Variants in POU5F1 observed in about 807,000 individuals in gnomAD.
POU5F1 encodes the protein POU domain, class 5, transcription factor 1.
A neutral mutation model predicts 38.3 loss-of-function variants in POU5F1; 6 were observed. The ratio of observed to expected loss-of-function variants is 0.16; its 90% CI spans 0.09 to 0.31. The LOEUF is 0.31. Among genes scored for constraint, POU5F1 ranks in the 10% least tolerant of loss-of-function variants. The pLI is 1.00. For synonymous variants in POU5F1, 147 were observed against 194.9 expected (o/e 0.75, Z 2.05); for missense variants, 286 against 462.6 (o/e 0.62, Z 3.50).
intron 1 of POU5F1, chr6:31,166,255 T>G: frequency 2.6e-6 from 4 of 1,537,556 alleles, no homozygotes; most frequent in Admixed American, 2.0e-5. Context: ...CTCATGCATG[T>G]AACAAAGGAC....
rs967965078 is a variant in POU5F1 at position 31,165,840 on chromosome 6, G to T, written c.526+87C>A. 7 of 1,508,266 alleles carry T rather than the reference G, an allele frequency of 4.6e-6. No homozygotes were observed. In the African/African-American group the frequency reaches 1.5e-4, roughly 32 times the overall value. 93.4% of individuals were successfully genotyped at this position (1,508,266 alleles called of 1,614,324 possible). A position where few individuals can be genotyped will look rare whatever the true frequency, so the allele number is the denominator to read the frequency against. ...TCTCCCTACTCCTCTTCATGGGTGA[G>T]GGTAGTCTGCCCCTGCCCCTCCCCA... is the stretch of plus-strand genomic sequence containing the variant. On this transcript the variant is annotated intron_variant, in intron 2 of 4. Coordinates refer to ENST00000259915, the MANE Select transcript of POU5F1 (RefSeq NM_002701.6). The surrounding 1 kb of genome is among the most constrained non-coding windows in gnomAD (Gnocchi z 6.5).
chr6:31,170,245 T>C lies in POU5F1; in HGVS notation c.376A>G (p.Lys126Glu). 6.2e-7 allele frequency: 1 copy of C among 1,612,828 alleles called. No homozygotes were observed. The highest frequency in any genetic ancestry group is 8.5e-7 in the Non-Finnish European group (1 of 1,179,798). Reference protein sequence around the residue: ...TVTPGAVKLEKEKLEQNPEES... With the variant: ...TVTPGAVKLEEEKLEQNPEES... ...TCCGGGTTTTGCTCCAGCTTCTCCT[T>C]CTCCAGCTTCACGGCACCAGGGGTG... Residue 126 changes from lysine (K) to glutamate (E), a missense_variant, in exon 1 of 5, where the codon AAG becomes GAG. By Grantham distance (56) the Lys-to-Glu change is moderately conservative. This residue lies in a region of POU5F1 where 176 missense variants were observed against 184.8 expected (regional missense o/e 0.95). Transcript: ENST00000259915.
At chr6:31,170,103 G>T in intron 1 of POU5F1, 113 bp downstream of exon 1, 1 of 1,564,320 alleles carries the variant, frequency 6.4e-7, no homozygotes, top group Admixed American at 1.7e-5. Flanking sequence ...AGCTGACCCT[G>T]CCTGCTCCTC....
intron 1 of POU5F1, chr6:31,167,152 G>A (rs1777333028): frequency 5.3e-6 from 2 of 374,354 alleles, no homozygotes; most frequent in Non-Finnish European, 1.0e-5. Context: ...TCTCTTCCAA[G>A]TGCACTTTCC....
In POU5F1 at chr6:31,166,942, T is replaced by G. The variant is rs553951373; in HGVS notation, c.406-895A>C. 5,136 of 930,676 alleles carry G rather than the reference T, an allele frequency of 5.5e-3. 80 individuals are homozygous for G. The highest frequency in any genetic ancestry group is 0.036 in the Middle Eastern group (116 of 3,206). 57.7% of individuals were successfully genotyped at this position (930,676 alleles called of 1,614,324 possible). On this transcript the variant is annotated intron_variant, in intron 1 of 4. Transcript: ENST00000259915. Reference sequence around the variant, plus strand: ...AATGGATAAAGTGCTTTGTGTGTACTTACTCATTTTTTAAATTGATTATCC... The same window carrying G: ...AATGGATAAAGTGCTTTGTGTGTACGTACTCATTTTTTAAATTGATTATCC...
chr6:31,165,889 A>G lies in POU5F1; in HGVS notation c.526+38T>C. On this transcript the variant is annotated intron_variant, in intron 2 of 4. Coordinates refer to ENST00000259915, the MANE Select transcript of POU5F1 (RefSeq NM_002701.6). The surrounding 1 kb of genome is among the most constrained non-coding windows in gnomAD (Gnocchi z 6.5). The stretch of plus-strand genomic sequence containing the variant: ...CACTAGGTTCAGGGATACTCCTTAG[A>G]GGGGAGATGCGGTCAGAATCTGCAG... 6.2e-7 allele frequency: 1 copy of G among 1,612,942 alleles called. No homozygotes were observed. Among genetic ancestry groups the G allele is most frequent in the Non-Finnish European group, 8.5e-7 (1 of 1,179,286 alleles).
Position 31,165,484 on chromosome 6 carries a change from A to C in POU5F1, c.657+87T>G. 2 of 1,604,492 alleles carry C rather than the reference A, an allele frequency of 1.2e-6. No individual in the cohort carries two copies. Among genetic ancestry groups the C allele is most frequent in the Non-Finnish European group, 1.7e-6 (2 of 1,175,764 alleles). ...ATCCCACTGAGAACCACTGCACCAA[A>C]GACGGAGAGCTACGAGCCAGTGATG... On this transcript the variant is annotated intron_variant, in intron 3 of 4. Coordinates refer to ENST00000259915, the MANE Select transcript of POU5F1 (RefSeq NM_002701.6). The surrounding 1 kb of genome is among the most constrained non-coding windows in gnomAD (Gnocchi z 6.5).
chr6:31,170,044 G>T, intron 1 of POU5F1, 172 bp downstream of exon 1: 1 of 1,053,156 alleles, frequency 9.5e-7, no homozygotes, highest in Non-Finnish European at 1.4e-6. Flanking sequence ...CCTGGCCCCT[G>T]CCTGCCAGGG....
rs779414190 is a variant in POU5F1 at position 31,170,258 on chromosome 6, G to A, written c.363C>T (p.Ala121=). ...SPEPCTVTPG[A]VKLEKEKLEQ... ...CCAGCTTCTCCTTCTCCAGCTTCAC[G>A]GCACCAGGGGTGACGGTGCAGGGCT... The change falls in exon 1 of 5, where the codon GCC becomes GCT. Residue 121 remains alanine, a synonymous_variant. Coordinates refer to ENST00000259915, the MANE Select transcript of POU5F1 (RefSeq NM_002701.6). 1.3e-5 allele frequency: 21 copies of A among 1,612,764 alleles called. No homozygotes were observed. Among genetic ancestry groups the A allele is most frequent in the Non-Finnish European group, 1.5e-5 (18 of 1,179,834 alleles).
intron 1 of POU5F1, among the ~76,000 whole-genome samples, chr6:31,169,265 G>T (rs943779997): frequency 4.6e-5 from 7 of 152,144 alleles, no homozygotes; most frequent in African/African-American, 1.7e-4. Flanking sequence ...ATCATTCAAG[G>T]CTCAGCAGTG....
In POU5F1 at chr6:31,166,522, G is replaced by A. The variant is rs961842977; in HGVS notation, c.406-475C>T. The A allele has an allele frequency of 2.5e-5, 26 of 1,022,566 alleles. 1 individual carries two copies. Among genetic ancestry groups the A allele is most frequent in the African/African-American group, 6.6e-5 (4 of 61,040 alleles). The allele number at this position is 1,022,566 out of a possible 1,614,324, so 63.3% of individuals were successfully genotyped here. On this transcript the variant is annotated intron_variant, in intron 1 of 4. Coordinates refer to ENST00000259915, the MANE Select transcript of POU5F1 (RefSeq NM_002701.6). ...AAAAACACAAAAATTAGCTGGGCAC[G>A]GTGGCACGCACCTGTAATCCCAGCT...
At chr6:31,170,098 AC>A (rs1777550400) in intron 1 of POU5F1, 117 bp downstream of exon 1, 1 of 1,539,970 alleles carries the variant, frequency 6.5e-7, no homozygotes, top group African/African-American at 1.4e-5. Context: ...AGGGCAGCTG[AC>A]CCTGCCTGCT....
chr6:31,165,351 G>A lies in POU5F1; in HGVS notation c.658-65C>T. 1 of 1,581,040 alleles carries A rather than the reference G, an allele frequency of 6.3e-7. No homozygotes were observed. Among genetic ancestry groups the A allele is most frequent in the Non-Finnish European group, 8.6e-7 (1 of 1,161,310 alleles). On this transcript the variant is annotated intron_variant, in intron 3 of 4. Transcript: ENST00000259915. The surrounding 1 kb of genome is among the most constrained non-coding windows in gnomAD (Gnocchi z 6.5). ...ACTTGCTGAGTAACAGCATCACAGGGGTCTGTGACTAGATGTGTCAGCAGA... is the reference window on the plus strand; with the variant it reads ...ACTTGCTGAGTAACAGCATCACAGGAGTCTGTGACTAGATGTGTCAGCAGA...
rs1268361667 is a variant in POU5F1, at chr6:31,165,842, G to A, written c.526+85C>T. ...TCCCTACTCCTCTTCATGGGTGAGG[G>A]TAGTCTGCCCCTGCCCCTCCCCACT... On this transcript the variant is annotated intron_variant, in intron 2 of 4. Transcript: ENST00000259915. This position sits in a 1 kb window ranked among gnomAD's most constrained non-coding sequence, Gnocchi z 6.5. 1.4e-5 allele frequency: 21 copies of A among 1,501,686 alleles called. No individual in the cohort carries two copies. The East Asian group carries it at 2.7e-4, about 19-fold the overall frequency. 93.0% of individuals were successfully genotyped at this position (1,501,686 alleles called of 1,614,324 possible).
At chr6:31,167,420 T>C (rs1419880) in intron 1 of POU5F1, among the ~76,000 whole-genome samples, 82,121 of 150,802 alleles carry the variant, frequency 0.54, 22,646 homozygotes, top group African/African-American at 0.63. Flanking sequence ...TGGAAAAAAG[T>C]AAAGCAGTCT....
intron 1 of POU5F1, chr6:31,166,419 G>C: frequency 7.3e-7 from 1 of 1,371,090 alleles, no homozygotes; most frequent in South Asian, 1.2e-5. Flanking sequence ...CCAGCACTTT[G>C]GGAGGCCGAG....
chr6:31,165,347 CAG>C lies in POU5F1; in HGVS notation c.658-63_658-62del. On this transcript the variant is annotated intron_variant, in intron 3 of 4. Transcript: ENST00000259915. The surrounding 1 kb of genome is among the most constrained non-coding windows in gnomAD (Gnocchi z 6.5). Reference sequence around the variant, plus strand: ...TTGGACTTGCTGAGTAACAGCATCACAGGGGTCTGTGACTAGATGTGTCAGCA... The same window carrying C: ...TTGGACTTGCTGAGTAACAGCATCACGGGTCTGTGACTAGATGTGTCAGCA... 6.3e-7 allele frequency: 1 copy of C among 1,584,904 alleles called. No individual in the cohort carries two copies. The highest frequency in any genetic ancestry group is 2.3e-5 in the East Asian group (1 of 43,956).
Position 31,165,158 on chromosome 6 carries a change from G to A in POU5F1, c.786C>T (p.His262=). The A allele has an allele frequency of 6.2e-7, 1 of 1,609,766 alleles. No individual in the cohort carries two copies. The highest frequency in any genetic ancestry group is 8.5e-7 in the Non-Finnish European group (1 of 1,178,428). ...TCTCGAGCCCAAGCTGCTGGGCGAT[G>A]TGGCTGATCTGCTGCAGTGTGGGTT... ...CPKPTLQQIS[H]IAQQLGLEKD... is the part of the protein sequence containing the mutation. Residue 262 remains histidine (H), a synonymous_variant, in exon 4 of 5, where the codon CAC becomes CAT. Transcript: ENST00000259915. This position sits in a 1 kb window ranked among gnomAD's most constrained non-coding sequence, Gnocchi z 6.5.
At position 31,164,557 on chromosome 6, in the gene POU5F1, C is replaced by T. The variant is rs754549702; in HGVS notation, c.*44G>A. 2.0e-5 allele frequency: 32 copies of T among 1,583,338 alleles called. No homozygotes were observed. Among genetic ancestry groups the T allele is most frequent in the Non-Finnish European group, 2.7e-5 (31 of 1,164,432 alleles). On this transcript the variant is annotated 3_prime_UTR_variant, in exon 5 of 5. Coordinates refer to ENST00000259915, the MANE Select transcript of POU5F1 (RefSeq NM_002701.6). ...CAAACTCCAGGTTTTCTTTCCCTAG[C>T]TCCTCCCCTCCCCCTGTCCCCCATT...
Sources: allele counts gnomAD v4.1 joint callset (sites outside exome capture counted in the v4.1 genomes callset), GRCh38; gene constraint gnomAD v4.1.1; regional missense constraint gnomAD v4.1.1; non-coding constraint Gnocchi (gnomAD v3.1); transcripts MANE v1.5; gene names NCBI Gene and HGNC (gene_info 2026-07-23, HGNC 2026-07-21).